Variants in HELLS observed in about 807,000 individuals in gnomAD.
The protein encoded by HELLS is helicase, lymphoid specific, also known as lymphoid-specific helicase.
A neutral mutation model predicts 120.0 loss-of-function variants in HELLS; 32 were observed. The observed-to-expected ratio is 0.27, with a 90% CI of 0.20 to 0.36. The LOEUF is 0.36. Among genes scored for constraint, HELLS ranks in the 10% least tolerant of loss-of-function variants. The pLI, the probability that HELLS is intolerant of heterozygous loss-of-function variation, is 1.00. For missense variants in HELLS, 650 were observed against 993.4 expected (o/e 0.65, Z 4.65); for synonymous variants, 341 against 323.4 (o/e 1.05, Z -0.58).
At chr10:94,595,905 T>G (rs1191444651) in intron 19 of HELLS, among the ~76,000 whole-genome samples, 1 of 152,210 alleles carries the variant, frequency 6.6e-6, no homozygotes, top group African/African-American at 2.4e-5. Context: ...TTCTCTGGGT[T>G]TTGAGGTAAG....
At chr10:94,584,031 G>T in intron 12 of HELLS, 1 of 899,798 alleles carries the variant, frequency 1.1e-6, no homozygotes, top group Non-Finnish European at 1.7e-6. Context: ...ACAGATGAGG[G>T]CTTCTTTGAA....
chr10:94,570,869 A>C (rs1844113684), intron 6 of HELLS: 1 of 152,282 alleles, frequency 6.6e-6, no homozygotes, highest in Non-Finnish European at 1.5e-5. Context: ...AAATAGCCAG[A>C]TAGTAAATAT....
chr10:94,585,966 C>T lies in HELLS; in HGVS notation c.1327-2263C>T, dbSNP rs183744341. Among the ~76,000 whole-genome samples the T allele has an allele frequency of 1.5e-3, 235 of 152,250 alleles. 1 individual carries two copies. The highest frequency in any genetic ancestry group is 2.7e-3 in the Non-Finnish European group (186 of 68,026). ...AACATATATAAATACCTTTTTTATACATGTGTTTCAGCGGTATAGTGTGCC... is the reference window on the plus strand; with the variant it reads ...AACATATATAAATACCTTTTTTATATATGTGTTTCAGCGGTATAGTGTGCC... On this transcript the variant is annotated intron_variant, in intron 12 of 21. Coordinates refer to ENST00000348459, the MANE Select transcript of HELLS (RefSeq NM_018063.5).
chr10:94,550,670 C>T (rs1001378597), intron 2 of HELLS, among the ~76,000 whole-genome samples: 2 of 151,958 alleles, frequency 1.3e-5, no homozygotes, highest in East Asian at 2.0e-4. Context: ...CGGGGCAGAT[C>T]GCTTGAGCCC....
At chr10:94,585,371 TTTTG>T (rs1845075800) in intron 12 of HELLS, among the ~76,000 whole-genome samples, 1 of 129,558 alleles carries the variant, frequency 7.7e-6, no homozygotes, top group African/African-American at 2.9e-5. Context: ...TGTTTTTTTT[TTTTG>T]TTTGTTTTTG....
chr10:94,565,796 T>G (rs1178110191), intron 6 of HELLS, among the ~76,000 whole-genome samples: 1 of 152,182 alleles, frequency 6.6e-6, no homozygotes, highest in Non-Finnish European at 1.5e-5. Context: ...TGGGCAAACT[T>G]TGTCATAGGT....
chr10:94,579,128 A>G (rs1036902935), intron 10 of HELLS, among the ~76,000 whole-genome samples: 1 of 151,012 alleles, frequency 6.6e-6, no homozygotes, highest in African/African-American at 2.4e-5. Context: ...ATATATACCA[A>G]TTTTTTTTAA....
intron 10 of HELLS, among the ~76,000 whole-genome samples, chr10:94,580,117 GTATATATATATATATATATATATA>G (rs58984411): frequency 0.01 from 677 of 65,496 alleles, 14 homozygotes; most frequent in African/African-American, 0.034. Flanking sequence ...CATTATAAAA[GTATATATATATATATATATATATA>G]TATATATATA....
chr10:94,546,525 GTGAAAGCC>G, intron 2 of HELLS, 27 bp downstream of exon 2: 1 of 1,613,184 alleles, frequency 6.2e-7, no homozygotes, highest in Non-Finnish European at 8.5e-7. Context: ...GTTCGTCGTC[GTGAAAGCC>G]TGTGGTAACC....
At chr10:94,577,931 C>T (rs886299065) in intron 10 of HELLS, among the ~76,000 whole-genome samples, 14 of 152,200 alleles carry the variant, frequency 9.2e-5, no homozygotes, top group Non-Finnish European at 1.5e-4. Flanking sequence ...GGCGCGGTGG[C>T]GGGCGCCTGT....
intron 7 of HELLS, 103 bp downstream of exon 7, chr10:94,571,532 C>G (rs1455054049): frequency 1.1e-6 from 1 of 950,726 alleles, no homozygotes; most frequent in Non-Finnish European, 1.5e-6. Context: ...TCACTATTAT[C>G]CTGTTTCTTT....
At chr10:94,557,661 G>A (rs1843334901) in intron 3 of HELLS, among the ~76,000 whole-genome samples, 2 of 152,178 alleles carry the variant, frequency 1.3e-5, no homozygotes, top group Non-Finnish European at 2.9e-5. Flanking sequence ...GCACTTACCA[G>A]TACTCAGCCT....
At chr10:94,557,949 T>C (rs187597498) in intron 3 of HELLS, among the ~76,000 whole-genome samples, 190 bp from the exon 4 acceptor site, 1 of 152,340 alleles carries the variant, frequency 6.6e-6, no homozygotes, top group East Asian at 1.9e-4. Flanking sequence ...TGGATTTTAG[T>C]TGTTTAAGGC....
chr10:94,592,374 T>C (rs1845535440), intron 16 of HELLS, 21 bp from the exon 17 acceptor site: 6 of 1,582,144 alleles, frequency 3.8e-6, no homozygotes, highest in Middle Eastern at 1.7e-4. Flanking sequence ...ATTAGAAATA[T>C]TAAGATATGT....
At chr10:94,597,214 C>A in intron 21 of HELLS, 103 bp downstream of exon 21, 2 of 615,836 alleles carry the variant, frequency 3.2e-6, no homozygotes, top group Non-Finnish European at 2.8e-6. Flanking sequence ...TGTATCCAAT[C>A]TTGTTTTATT....
Position 94,545,940 on chromosome 10 carries a change from G to T in HELLS, c.19G>T (p.Ala7Ser), listed in dbSNP as rs1842729502. 16 of 1,555,942 alleles carry T rather than the reference G, an allele frequency of 1.0e-5. No homozygotes were observed. Among genetic ancestry groups the T allele is most frequent in the Non-Finnish European group, 1.4e-5 (16 of 1,149,110 alleles). ...TCCAGGCATGCCAGCGGAACGGCCCGCGGGCAGCGGCGGTGAGTGAGGAAA... is the reference window on the plus strand; with the variant it reads ...TCCAGGCATGCCAGCGGAACGGCCCTCGGGCAGCGGCGGTGAGTGAGGAAA... MPAERP[A>S]GSGGSEAPAM... The change falls in exon 1 of 22, where the codon GCG becomes TCG. Residue 7 changes from alanine (A) to serine (S), a missense_variant. Physicochemically the swap from Ala to Ser is moderately conservative, Grantham distance 99. This residue lies in a region of HELLS where 90 missense variants were observed against 93.6 expected (regional missense o/e 0.96). Transcript: ENST00000348459.
chr10:94,583,139 C>G (rs1278622689), intron 12 of HELLS, 80 bp downstream of exon 12: 2 of 657,146 alleles, frequency 3.0e-6, no homozygotes, highest in African/African-American at 3.7e-5. Flanking sequence ...CTGTCTAACC[C>G]TTTGTAGTAG....
intron 2 of HELLS, among the ~76,000 whole-genome samples, chr10:94,550,014 G>C (rs562986532): frequency 2.7e-3 from 415 of 152,228 alleles, no homozygotes; most frequent in Non-Finnish European, 4.2e-3. Flanking sequence ...TCTGCCTCCG[G>C]GGTTCAAGCA....
chr10:94,560,102 G>A (rs111692313), intron 4 of HELLS, among the ~76,000 whole-genome samples: 146 of 151,866 alleles, frequency 9.6e-4, no homozygotes, highest in African/African-American at 3.4e-3. Context: ...GCGTGATTTC[G>A]GCTCACTGCA....
Sources: allele counts gnomAD v4.1 joint callset (sites outside exome capture counted in the v4.1 genomes callset), GRCh38; gene constraint gnomAD v4.1.1; regional missense constraint gnomAD v4.1.1; transcripts MANE v1.5; gene names NCBI Gene and HGNC (gene_info 2026-07-23, HGNC 2026-07-21).